The following RALGAPA1 variants were observed in gnomAD, a reference collection of about 807,000 sequenced individuals.
RALGAPA1 encodes the protein Ral GTPase activating protein catalytic subunit alpha 1, also known as ral GTPase-activating protein subunit alpha-1.
A neutral mutation model predicts 269.6 loss-of-function variants in RALGAPA1; 52 were observed. The observed-to-expected ratio is 0.19, with a 90% CI of 0.15 to 0.24. The LOEUF (loss-of-function observed/expected upper bound fraction) is 0.24. Among genes scored for constraint, RALGAPA1 ranks in the 10% least tolerant of loss-of-function variants. The probability of loss-of-function intolerance (pLI) is 1.00; values close to 1 mark genes in which losing one functional copy is unlikely to be tolerated. For synonymous variants in RALGAPA1, 817 were observed against 1,008.3 expected (o/e 0.81, Z 3.60); for missense variants, 1,917 against 3,013.9 (o/e 0.64, Z 8.52).
chr14:35,554,345 T>C (rs954388164), intron 39 of RALGAPA1, among the ~76,000 whole-genome samples: 1 of 128,348 alleles, frequency 7.8e-6, no homozygotes, highest in African/African-American at 3.2e-5. Context: ...TTTCTTTTTT[T>C]TTTTTTTTTT....
chr14:35,731,152 G>A (rs1406473648), intron 12 of RALGAPA1, among the ~76,000 whole-genome samples: 1 of 152,202 alleles, frequency 6.6e-6, no homozygotes, highest in East Asian at 1.9e-4. Context: ...CTGCGGTTCA[G>A]CTCACAGGAA....
At chr14:35,591,164 A>G (rs921166643) in intron 37 of RALGAPA1, among the ~76,000 whole-genome samples, 2 of 152,192 alleles carry the variant, frequency 1.3e-5, no homozygotes, top group Admixed American at 6.5e-5. Context: ...TGGACCATCA[A>G]TATCATTCTA....
At chr14:35,704,305 T>C (rs1002892599) in intron 16 of RALGAPA1, among the ~76,000 whole-genome samples, 1 of 152,164 alleles carries the variant, frequency 6.6e-6, no homozygotes, top group African/African-American at 2.4e-5. Context: ...GCAATCTCTC[T>C]TATTTGTTAG....
At chr14:35,741,424 G>A (rs2071536489) in intron 11 of RALGAPA1, among the ~76,000 whole-genome samples, 1 of 151,802 alleles carries the variant, frequency 6.6e-6, no homozygotes, top group South Asian at 2.1e-4. Context: ...TCTTAGAAGG[G>A]GGGAGGGTGC....
Position 35,585,932 on chromosome 14 carries a change from C to T in RALGAPA1, c.7209+9702G>A, listed in dbSNP as rs144895800. 1.0e-3 allele frequency among the ~76,000 whole-genome samples: 153 copies of T among 152,268 alleles called. 3 individuals are homozygous for T. The highest frequency in any genetic ancestry group is 3.4e-3 in the African/African-American group (142 of 41,540). On this transcript the variant is annotated intron_variant, in intron 37 of 41. Transcript: ENST00000680220. ...TTTGCTTAGGATTGTCTTGGCAATG[C>T]GGGCTCTTTTTTGGTTCCACGTGAA... is the stretch of plus-strand genomic sequence containing the variant.
chr14:35,750,826 A>C, intron 8 of RALGAPA1, 136 bp from the exon 9 acceptor site: 1 of 740,090 alleles, frequency 1.4e-6, no homozygotes, highest in Non-Finnish European at 2.1e-6. Context: ...CAGAAATGAC[A>C]TTTCAAAATT....
intron 35 of RALGAPA1, 28 bp from the exon 36 acceptor site, chr14:35,605,737 T>C: frequency 6.3e-7 from 1 of 1,597,550 alleles, no homozygotes; most frequent in Non-Finnish European, 8.5e-7. Flanking sequence ...ACACCATTAA[T>C]TTAATCACTA....
At chr14:35,699,308 AG>A (rs1469961993) in intron 17 of RALGAPA1, among the ~76,000 whole-genome samples, 1 of 152,148 alleles carries the variant, frequency 6.6e-6, no homozygotes, top group African/African-American at 2.4e-5. Flanking sequence ...ATTTGCGTGG[AG>A]GGGAGGAGTG....
At chr14:35,697,203 A>C (rs979317753) in intron 17 of RALGAPA1, among the ~76,000 whole-genome samples, 7 of 152,228 alleles carry the variant, frequency 4.6e-5, no homozygotes, top group Admixed American at 4.6e-4. Flanking sequence ...AACTGGTAGA[A>C]GATTAATCCT....
intron 17 of RALGAPA1, 87 bp from the exon 18 acceptor site, chr14:35,690,090 C>T (rs2066350257): frequency 2.0e-6 from 2 of 982,058 alleles, no homozygotes; most frequent in Non-Finnish European, 2.9e-6. Context: ...AAAGCATATG[C>T]TTTAAAAAAA....
In RALGAPA1 at chr14:35,778,035, A is replaced by G. The variant is rs144407454; in HGVS notation, c.107-2290T>C. Among the ~76,000 whole-genome samples the G allele has an allele frequency of 5.3e-5, 8 of 152,112 alleles. No individual in the cohort carries two copies. In the East Asian group the frequency reaches 1.6e-3, roughly 30 times the overall value. On this transcript the variant is annotated intron_variant, in intron 1 of 41. Coordinates refer to ENST00000680220, the MANE Select transcript of RALGAPA1 (RefSeq NM_001346249.2). ...TATAGATAGCACTTTAAACTCTTTC[A>G]TGTATTATCATATCCTACGAATATT...
chr14:35,805,683 CTTT>C (rs760045509), intron 1 of RALGAPA1, among the ~76,000 whole-genome samples: 5 of 135,474 alleles, frequency 3.7e-5, no homozygotes, highest in Non-Finnish European at 4.8e-5. Context: ...TTTTCTTTTT[CTTT>C]TTTTTTTTTT....
intron 3 of RALGAPA1, among the ~76,000 whole-genome samples, chr14:35,771,575 C>T (rs1168723336): frequency 6.6e-6 from 1 of 152,124 alleles, no homozygotes; most frequent in Non-Finnish European, 1.5e-5. Flanking sequence ...ACATCTTTTA[C>T]AATAATATAG....
intron 7 of RALGAPA1, among the ~76,000 whole-genome samples, chr14:35,754,596 A>G (rs553056716): frequency 2.0e-5 from 3 of 152,224 alleles, no homozygotes; most frequent in East Asian, 1.9e-4. Flanking sequence ...AAGCAATTGT[A>G]TAAGTCTTAC....
rs148467018 is a variant in RALGAPA1, at chr14:35,767,546, C to T, written c.325+3396G>A. Among the ~76,000 whole-genome samples, 723 of 151,914 alleles carry T rather than the reference C, an allele frequency of 4.8e-3. 7 individuals are homozygous for T. The highest frequency in any genetic ancestry group is 0.016 in the African/African-American group (669 of 41,418). On this transcript the variant is annotated intron_variant, in intron 4 of 41. Coordinates refer to ENST00000680220, the MANE Select transcript of RALGAPA1 (RefSeq NM_001346249.2). ...ACTAAAAATACAAAAATTAGCCGGG[C>T]GTGGTGGCATGTGCCTGTATAGTCC...
At chr14:35,548,098 G>T (rs987723136) in intron 41 of RALGAPA1, among the ~76,000 whole-genome samples, 1 of 152,032 alleles carries the variant, frequency 6.6e-6, no homozygotes, top group African/African-American at 2.4e-5. Context: ...TATTTCAGGT[G>T]CCTAGTGAAG....
intron 33 of RALGAPA1, among the ~76,000 whole-genome samples, chr14:35,628,244 CTAATGCACAT>C (rs2061112364): frequency 6.6e-6 from 1 of 152,146 alleles, no homozygotes; most frequent in South Asian, 2.1e-4. Context: ...CATGAAATCA[CTAATGCACAT>C]TAAAAAGCCA....
intron 16 of RALGAPA1, among the ~76,000 whole-genome samples, chr14:35,704,807 T>C (rs1440795225): frequency 2.6e-5 from 4 of 152,114 alleles, no homozygotes; most frequent in African/African-American, 4.8e-5. Context: ...CCAGGTTTGT[T>C]ATTAAAGGAA....
intron 1 of RALGAPA1, among the ~76,000 whole-genome samples, chr14:35,802,920 T>G (rs879664334): frequency 6.6e-6 from 1 of 151,984 alleles, no homozygotes; most frequent in Non-Finnish European, 1.5e-5. Flanking sequence ...ACTCCTGGGC[T>G]CAAGCAATCT....
Sources: gnomAD v4.1 joint callset for allele counts (sites outside exome capture counted in the v4.1 genomes callset) on GRCh38, gnomAD v4.1.1 for gene constraint, MANE v1.5 for transcripts, NCBI Gene and HGNC (gene_info 2026-07-23, HGNC 2026-07-21) for gene names.